CCDC60: variants seen among roughly 807,000 people sequenced by gnomAD.
The protein encoded by CCDC60 is coiled-coil domain-containing protein 60.
In CCDC60, 54 loss-of-function variants were observed where a neutral mutation model predicts 63.5. The observed-to-expected ratio is 0.85, with a 90% CI of 0.68 to 1.07. CCDC60 has a LOEUF of 1.07. CCDC60 is among the 50% of genes least tolerant of loss of function. The pLI is 0.00. For synonymous variants in CCDC60, 206 were observed against 238.8 expected (o/e 0.86, Z 1.27); for missense variants, 651 against 684.3 (o/e 0.95, Z 0.54).
intron 11 of CCDC60, among the ~76,000 whole-genome samples, chr12:119,527,661 TC>T: frequency 2.5e-5 from 3 of 122,124 alleles, no homozygotes; most frequent in Admixed American, 8.4e-5. Context: ...TTTCTTTCTT[TC>T]TTTCTTTTTT....
intron 1 of CCDC60, among the ~76,000 whole-genome samples, chr12:119,374,456 T>C (rs146535255): frequency 2.0e-5 from 3 of 152,096 alleles, no homozygotes; most frequent in Non-Finnish European, 4.4e-5. Context: ...CTTATAGAAA[T>C]AATAAAGACA....
At chr12:119,392,124 C>T (rs943174811) in intron 1 of CCDC60, among the ~76,000 whole-genome samples, 10 of 152,130 alleles carry the variant, frequency 6.6e-5, no homozygotes, top group African/African-American at 2.2e-4. Flanking sequence ...AAAGGGGTGT[C>T]CTGTGGAGTT....
chr12:119,465,920 C>T (rs1771229579), intron 2 of CCDC60, among the ~76,000 whole-genome samples: 1 of 152,152 alleles, frequency 6.6e-6, no homozygotes, highest in Non-Finnish European at 1.5e-5. Context: ...ATCAACAACA[C>T]CAATTTCTAA....
intron 3 of CCDC60, 100 bp downstream of exon 3, chr12:119,472,264 A>C (rs1951077759): frequency 9.0e-7 from 1 of 1,107,610 alleles, no homozygotes; most frequent in African/African-American, 1.6e-5. Context: ...ATCTCAGAGC[A>C]CGTGCCCCTT....
intron 8 of CCDC60, among the ~76,000 whole-genome samples, chr12:119,517,208 T>C (rs1252657067): frequency 6.6e-6 from 1 of 152,136 alleles, no homozygotes; most frequent in Non-Finnish European, 1.5e-5. Flanking sequence ...CTGCCCAGGC[T>C]GGCCTCAAAC....
chr12:119,363,058 G>A lies in CCDC60; in HGVS notation c.90+27792G>A, dbSNP rs188906551. Among the ~76,000 whole-genome samples the A allele has an allele frequency of 2.2e-4, 33 of 152,278 alleles. No homozygotes were observed. In the East Asian group the frequency reaches 5.4e-3, roughly 25 times the overall value. On this transcript the variant is annotated intron_variant, in intron 1 of 13. Transcript: ENST00000327554. The stretch of plus-strand genomic sequence containing the variant: ...GGTTGCAGTGAGCTGAGACTGCACC[G>A]CTGCACCCCAGCCTGGGCGAGACAG...
intron 1 of CCDC60, among the ~76,000 whole-genome samples, chr12:119,372,104 A>T (rs1382528610): frequency 6.6e-6 from 1 of 152,020 alleles, no homozygotes. Flanking sequence ...CTAAAAATAC[A>T]AAAAAATTAG....
intron 1 of CCDC60, among the ~76,000 whole-genome samples, chr12:119,342,199 A>G (rs1348815033): frequency 6.6e-6 from 1 of 152,208 alleles, no homozygotes; most frequent in Non-Finnish European, 1.5e-5. Context: ...AGGTCACAAA[A>G]TGGCTGTCCC....
chr12:119,462,791 CATTTATTTATTTATTT>C (rs61602899), intron 2 of CCDC60, among the ~76,000 whole-genome samples: 65 of 140,882 alleles, frequency 4.6e-4, no homozygotes, highest in East Asian at 1.0e-3. Flanking sequence ...CAACTAACTT[CATTTATTTATTTATTT>C]ATTTATTTAT....
intron 1 of CCDC60, among the ~76,000 whole-genome samples, chr12:119,343,941 A>G (rs901252400): frequency 6.6e-6 from 1 of 152,072 alleles, no homozygotes; most frequent in African/African-American, 2.4e-5. Context: ...CACTCTTTTC[A>G]TACTCTCCTT....
At chr12:119,375,650 A>G (rs1955943709) in intron 1 of CCDC60, among the ~76,000 whole-genome samples, 1 of 152,206 alleles carries the variant, frequency 6.6e-6, no homozygotes, top group Admixed American at 6.5e-5. Context: ...GGAGTCAGGG[A>G]CTGAGAGACC....
chr12:119,340,054 C>T (rs988686988), intron 1 of CCDC60, among the ~76,000 whole-genome samples: 4 of 152,200 alleles, frequency 2.6e-5, no homozygotes, highest in Admixed American at 6.5e-5. Flanking sequence ...TTATCTAATC[C>T]AAGAAGCCTT....
At chr12:119,526,415 GA>G (rs1332308924) in intron 11 of CCDC60, among the ~76,000 whole-genome samples, 1 of 152,178 alleles carries the variant, frequency 6.6e-6, no homozygotes, top group African/African-American at 2.4e-5. Context: ...TGACAAATGG[GA>G]TCTAATTGAA....
At chr12:119,430,499 T>C (rs982088834) in intron 2 of CCDC60, among the ~76,000 whole-genome samples, 4 of 151,848 alleles carry the variant, frequency 2.6e-5, no homozygotes, top group African/African-American at 9.7e-5. Context: ...ACCCTGTCTC[T>C]ACTAAAAATA....
intron 1 of CCDC60, among the ~76,000 whole-genome samples, chr12:119,407,950 C>CA (rs1345202757): frequency 6.6e-6 from 1 of 151,994 alleles, no homozygotes; most frequent in Admixed American, 6.6e-5. Context: ...AGGCCGTGGA[C>CA]AAAAAATTAA....
At chr12:119,472,330 C>T (rs185701392) in intron 3 of CCDC60, among the ~76,000 whole-genome samples, 166 bp downstream of exon 3, 34 of 152,272 alleles carry the variant, frequency 2.2e-4, no homozygotes, top group African/African-American at 4.3e-4. Flanking sequence ...TTGATAGCCT[C>T]GCTTTCTGGT....
chr12:119,336,913 T>C (rs1312697408), intron 1 of CCDC60, among the ~76,000 whole-genome samples: 1 of 152,206 alleles, frequency 6.6e-6, no homozygotes. Flanking sequence ...GCATTTGTTA[T>C]TGTATCCTCA....
chr12:119,500,335 T>G (rs761219364), intron 6 of CCDC60, among the ~76,000 whole-genome samples, 167 bp downstream of exon 6: 15 of 152,014 alleles, frequency 9.9e-5, no homozygotes, highest in Non-Finnish European at 1.8e-4. Context: ...TAAATTTTAA[T>G]TAAAACAGTT....
chr12:119,485,779 T>C (rs756451686), intron 4 of CCDC60, among the ~76,000 whole-genome samples: 2 of 152,190 alleles, frequency 1.3e-5, no homozygotes, highest in African/African-American at 2.4e-5. Context: ...CAAATGAATC[T>C]GGTATGTCCA....
Sources: gnomAD v4.1 joint callset for allele counts (sites outside exome capture counted in the v4.1 genomes callset) on GRCh38, gnomAD v4.1.1 for gene constraint, MANE v1.5 for transcripts, NCBI Gene and HGNC (gene_info 2026-07-23, HGNC 2026-07-21) for gene names.